MAN2A2: variants seen among roughly 807,000 people sequenced by gnomAD.
The protein encoded by MAN2A2 is mannosidase alpha class 2A member 2.
In MAN2A2, 79 loss-of-function variants were observed where a neutral mutation model predicts 126.8. The ratio of observed to expected loss-of-function variants is 0.62; its 90% CI spans 0.52 to 0.75. The LOEUF (loss-of-function observed/expected upper bound fraction) is 0.75. Among genes scored for constraint, MAN2A2 ranks in the 30% least tolerant of loss-of-function variants. MAN2A2 has a pLI of 0.00. For missense variants in MAN2A2, 1,392 were observed against 1,522.4 expected, an observed-to-expected ratio of 0.91 and a Z score of 1.43; for synonymous variants, 671 against 618.7, an observed-to-expected ratio of 1.08 and a Z score of -1.25.
rs1282651203 is a variant in MAN2A2, at chr15:90,921,754, A to C, written c.*1967A>C. 1.3e-5 allele frequency: 2 copies of C among 152,168 alleles called. No homozygotes were observed. Among genetic ancestry groups the C allele is most frequent in the East Asian group, 3.8e-4 (2 of 5,200 alleles). 9.4% of individuals were successfully genotyped at this position (152,168 alleles called of 1,614,324 possible). On this transcript the variant is annotated 3_prime_UTR_variant, in exon 23 of 23. Coordinates refer to ENST00000559717, the MANE Select transcript of MAN2A2 (RefSeq NM_006122.4). ...GCCAAGATGGCGAAACCCTGTGTCT[A>C]CTAAAAATACAAAAACTAGCCAGGA...
rs1433919834 is a variant in MAN2A2 at position 90,906,411 on chromosome 15, G to C, written c.749G>C (p.Trp250Ser). 6.2e-7 allele frequency: 1 copy of C among 1,614,170 alleles called. No individual in the cohort carries two copies. Residue 250 changes from tryptophan (W) to serine (S), a missense_variant, in exon 6 of 23, where the codon TGG becomes TCG. By Grantham distance (177) the Trp-to-Ser change is radical. Coordinates refer to ENST00000559717, the MANE Select transcript of MAN2A2 (RefSeq NM_006122.4). Reference protein sequence around the residue: ...NGQLEIATGGWVMPDEANSHY... With the variant: ...NGQLEIATGGSVMPDEANSHY... ...CAGCTGGAGATTGCGACAGGAGGCT[G>C]GGTGATGCCAGATGAGGCCAATTCC...
At chr15:90,919,608 ACCCT>A in intron 22 of MAN2A2, 23 bp from the exon 23 acceptor site, 1 of 1,612,624 alleles carries the variant, frequency 6.2e-7, no homozygotes, top group Middle Eastern at 1.7e-4. Flanking sequence ...ACCTAGCACA[ACCCT>A]GCCCCTTCTC....
At chr15:90,904,055 C>A (rs1439038852) in intron 1 of MAN2A2, 135 bp from the exon 2 acceptor site, 1 of 940,982 alleles carries the variant, frequency 1.1e-6, no homozygotes, top group African/African-American at 1.6e-5. Flanking sequence ...CTCAGATGTG[C>A]TGCTTGTGCT....
In MAN2A2 at chr15:90,909,323, C is replaced by G. The variant is rs138305875; in HGVS notation, c.1197-4C>G. On this transcript the variant is annotated splice_region_variant and splice_polypyrimidine_tract_variant and intron_variant, in intron 8 of 22. Transcript: ENST00000559717. ...GTGGGCCCATGTTTTTTTTCCTGCC[C>G]CAGGGCAGCCCTGCTTCTGGACCAA... The G allele has an allele frequency of 5.0e-3, 8,007 of 1,601,738 alleles. 21 individuals are homozygous for G. Among genetic ancestry groups the G allele is most frequent in the Non-Finnish European group, 6.1e-3 (7,097 of 1,171,694 alleles).
chr15:90,919,845 AT>A lies in MAN2A2; in HGVS notation c.*59del. The stretch of plus-strand genomic sequence containing the variant: ...ACAGAGACTGCCTCTTAACATGAAG[AT>A]CATTGGACAAGCCACACGGGTATCC... On this transcript the variant is annotated 3_prime_UTR_variant, in exon 23 of 23. Transcript: ENST00000559717. The A allele has an allele frequency of 6.3e-7, 1 of 1,593,910 alleles. No individual in the cohort carries two copies. The highest frequency in any genetic ancestry group is 8.6e-7 in the Non-Finnish European group (1 of 1,165,136).
At chr15:90,915,510 A>G (rs2035101061) in intron 19 of MAN2A2, 1 of 152,308 alleles carries the variant, frequency 6.6e-6, no homozygotes, top group Non-Finnish European at 1.5e-5. Context: ...GTCACTTGCC[A>G]TATCTTTTTT....
intron 5 of MAN2A2, 126 bp downstream of exon 5, chr15:90,906,142 G>A (rs767841374): frequency 1.0e-4 from 146 of 1,416,654 alleles, no homozygotes; most frequent in Non-Finnish European, 1.3e-4. Context: ...GAAGAGATGA[G>A]TGATGGTGGA....
rs2034808498 is a variant in MAN2A2, at chr15:90,912,200, T to C, written c.2267T>C (p.Ile756Thr). The C allele has an allele frequency of 6.2e-7, 1 of 1,614,178 alleles. No homozygotes were observed. Among genetic ancestry groups the C allele is most frequent in the Non-Finnish European group, 8.5e-7 (1 of 1,180,022 alleles). The change falls in exon 15 of 23, where the codon ATT (isoleucine) becomes ACT (threonine). Residue 756 changes from isoleucine (I) to threonine (T), a missense_variant. Coordinates refer to ENST00000559717, the MANE Select transcript of MAN2A2 (RefSeq NM_006122.4). ...CACGAAGCGTTTCCTCTCCGTGTCA[T>C]TGACTCTGGCACCAGCGACTTCGCC... ...SRHEAFPLRV[I>T]DSGTSDFALS...
chr15:90,918,765 G>A lies in MAN2A2; in HGVS notation c.3300+10G>A. The A allele has an allele frequency of 1.3e-6, 2 of 1,515,332 alleles. No homozygotes were observed. The highest frequency in any genetic ancestry group is 2.3e-5 in the South Asian group (2 of 88,700). The allele number at this position is 1,515,332 out of a possible 1,614,324, so 93.9% of individuals were successfully genotyped here. ...CACAAGCCAAGGCAAGGTGAGTAGG[G>A]TGGGGAAACAGAGCACCTAGGAATG... is the stretch of plus-strand genomic sequence containing the variant. On this transcript the variant is annotated intron_variant, in intron 22 of 22. Coordinates refer to ENST00000559717, the MANE Select transcript of MAN2A2 (RefSeq NM_006122.4).
At chr15:90,905,125 G>T (rs1032466015) in intron 2 of MAN2A2, 126 bp from the exon 3 acceptor site, 1 of 1,016,376 alleles carries the variant, frequency 9.8e-7, no homozygotes, top group Non-Finnish European at 1.5e-6. Context: ...TATCCCTCTA[G>T]GCTCATGGTC....
chr15:90,913,559 G>A (rs2034938003), intron 18 of MAN2A2, 55 bp from the exon 19 acceptor site: 7 of 1,578,390 alleles, frequency 4.4e-6, no homozygotes, highest in South Asian at 2.3e-5. Context: ...TCTGGGGACC[G>A]CTTGGGCCCA....
At chr15:90,908,584 ATTTTTTT>A (rs10532338) in intron 8 of MAN2A2, among the ~76,000 whole-genome samples, 1 of 144,642 alleles carries the variant, frequency 6.9e-6, no homozygotes, top group African/African-American at 2.6e-5. Context: ...ATTTAATTTA[ATTTTTTT>A]TTTTTTTTGA....
rs559675770 is a variant in MAN2A2 at position 90,903,363 on chromosome 15, G to A, written c.-88G>A. On this transcript the variant is annotated 5_prime_UTR_variant, in exon 1 of 23. Coordinates refer to ENST00000559717, the MANE Select transcript of MAN2A2 (RefSeq NM_006122.4). ...AAGCTCCTCGGCCCCAGGGCCCGCGGAGCAGACTCCGGAGCGCGGTCCCGC... is the reference window on the plus strand; with the variant it reads ...AAGCTCCTCGGCCCCAGGGCCCGCGAAGCAGACTCCGGAGCGCGGTCCCGC... 29 of 152,872 alleles carry A rather than the reference G, an allele frequency of 1.9e-4. No homozygotes were observed. Among genetic ancestry groups the A allele is most frequent in the Middle Eastern group, 3.4e-3 (1 of 296 alleles). The allele number at this position is 152,872 out of a possible 1,614,324, so 9.5% of individuals were successfully genotyped here.
rs1442531428 is a variant in MAN2A2, at chr15:90,905,398, G to A, written c.280G>A (p.Val94Ile). Residue 94 changes from valine to isoleucine, a missense_variant, in exon 3 of 23, where the codon GTC becomes ATC. Val to Ile is a conservative substitution (Grantham distance 29). Coordinates refer to ENST00000559717, the MANE Select transcript of MAN2A2 (RefSeq NM_006122.4). ...GCCCGCCATGCTGCCCTACTACACGGTCAATGGCTCCTGGGTGGTGCCACC... is the reference window on the plus strand; with the variant it reads ...GCCCGCCATGCTGCCCTACTACACGATCAATGGCTCCTGGGTGGTGCCACC... ...GPPAMLPYYT[V>I]NGSWVVPPEP... 6.2e-7 allele frequency: 1 copy of A among 1,613,902 alleles called. No homozygotes were observed.
At chr15:90,914,600 A>G (rs764421115) in intron 19 of MAN2A2, among the ~76,000 whole-genome samples, 5 of 151,654 alleles carry the variant, frequency 3.3e-5, no homozygotes, top group Non-Finnish European at 5.9e-5. Flanking sequence ...GCTCACTGCA[A>G]CCTCCGCCTT....
intron 20 of MAN2A2, chr15:90,916,760 A>G (rs1354314837): frequency 2.3e-6 from 2 of 883,848 alleles, no homozygotes; most frequent in Non-Finnish European, 3.2e-6. Flanking sequence ...CGTGCATCAG[A>G]TAGATATTGA....
chr15:90,909,456 C>G lies in MAN2A2; in HGVS notation c.1326C>G (p.Tyr442Ter), dbSNP rs752177690. Residue 442 changes from tyrosine to a stop codon, truncating the protein, a stop_gained, in exon 9 of 23, where the codon TAC becomes TAG. Coordinates refer to ENST00000559717, the MANE Select transcript of MAN2A2 (RefSeq NM_006122.4). LOFTEE classifies it high-confidence loss of function. ...PQEWDAQFFN[Y>*]QRLFDFFNSR... The stretch of plus-strand genomic sequence containing the variant: ...AGTGGGATGCCCAGTTCTTCAACTA[C>G]CAACGGCTCTTTGACTTCTTCAACA... The G allele has an allele frequency of 1.9e-6, 3 of 1,614,166 alleles. No homozygotes were observed. Among genetic ancestry groups the G allele is most frequent in the Non-Finnish European group, 2.5e-6 (3 of 1,179,998 alleles).
Position 90,916,171 on chromosome 15 carries a change from G to A in MAN2A2, c.2909G>A (p.Arg970Gln). The stretch of plus-strand genomic sequence containing the variant: ...CGGCGGCTGATGCAGGATGACAACC[G>A]GGGCCTAGGCCAAGGGCTCAAGGAC... ...LDRRLMQDDN[R>Q]GLGQGLKDNK... The change falls in exon 20 of 23, where the codon CGG becomes CAG. Residue 970 changes from arginine to glutamine, a missense_variant. By Grantham distance (43) the Arg-to-Gln change is conservative. Transcript: ENST00000559717. 5.0e-6 allele frequency: 8 copies of A among 1,614,102 alleles called. No individual in the cohort carries two copies. The highest frequency in any genetic ancestry group is 6.8e-6 in the Non-Finnish European group (8 of 1,180,024).
chr15:90,912,900 C>T lies in MAN2A2; in HGVS notation c.2493C>T (p.Pro831=), dbSNP rs373836101. The change falls in exon 17 of 23, where the codon CCC becomes CCT. Residue 831 remains proline (P), a synonymous_variant. Coordinates refer to ENST00000559717, the MANE Select transcript of MAN2A2 (RefSeq NM_006122.4). ...AGCCCTACGTCCCCAAGGAGCCCCC[C>T]GTGCTGCGTGTCACTGAAGGCCCTT... ...EAKPYVPKEP[P]VLRVTEGPFF... 84 of 1,613,922 alleles carry T rather than the reference C, an allele frequency of 5.2e-5. No homozygotes were observed. The highest frequency in any genetic ancestry group is 2.0e-4 in the East Asian group (9 of 44,896).
Sources: gnomAD v4.1 joint callset for allele counts (sites outside exome capture counted in the v4.1 genomes callset) on GRCh38, gnomAD v4.1.1 for gene constraint, MANE v1.5 for transcripts, NCBI Gene and HGNC (gene_info 2026-07-23, HGNC 2026-07-21) for gene names.